RBPJ: variants seen among roughly 807,000 people sequenced by gnomAD.
RBPJ encodes the protein recombination signal binding protein for immunoglobulin kappa J region.
RBPJ carries 9 observed loss-of-function variants against 67.8 expected under a neutral mutation model. The ratio of observed to expected loss-of-function variants is 0.13; its 90% CI spans 0.08 to 0.23. RBPJ has a LOEUF of 0.23. RBPJ is among the 10% of genes least tolerant of loss of function. The probability of loss-of-function intolerance (pLI) is 1.00; values close to 1 mark genes in which losing one functional copy is unlikely to be tolerated. For missense variants in RBPJ, 305 were observed against 595.6 expected, an observed-to-expected ratio of 0.51 and a Z score of 5.08; for synonymous variants, 198 against 203.3, an observed-to-expected ratio of 0.97 and a Z score of 0.22.
intron 1 of RBPJ, among the ~76,000 whole-genome samples, chr4:26,298,104 C>T (rs1044815190): frequency 5.3e-5 from 8 of 152,118 alleles, no homozygotes; most frequent in African/African-American, 1.9e-4. Flanking sequence ...AACTGAATGC[C>T]GTAGGCCATT....
intron 1 of RBPJ, among the ~76,000 whole-genome samples, chr4:26,314,121 A>T (rs1722526119): frequency 6.6e-6 from 1 of 152,216 alleles, no homozygotes. Flanking sequence ...TTTTAGACAC[A>T]TATACGCAAA....
At chr4:26,208,334 G>A (rs751664613) in intron 1 of RBPJ, among the ~76,000 whole-genome samples, 2 of 152,164 alleles carry the variant, frequency 1.3e-5, no homozygotes, top group Non-Finnish European at 2.9e-5. Flanking sequence ...CGCAGATCAT[G>A]CAAACCTAAG....
At chr4:26,203,960 C>T in intron 1 of RBPJ, among the ~76,000 whole-genome samples, 1 of 152,138 alleles carries the variant, frequency 6.6e-6, no homozygotes, top group East Asian at 1.9e-4. Context: ...GCCAGATGAT[C>T]AAGTGACCAG....
chr4:26,373,550 C>A (rs1000396944), intron 1 of RBPJ, among the ~76,000 whole-genome samples: 7 of 152,198 alleles, frequency 4.6e-5, no homozygotes, highest in Non-Finnish European at 8.8e-5. Flanking sequence ...TTGATGGAGG[C>A]TGGACTGGTA....
intron 1 of RBPJ, among the ~76,000 whole-genome samples, chr4:26,291,785 A>G (rs1001097854): frequency 2.7e-5 from 4 of 150,640 alleles, no homozygotes; most frequent in African/African-American, 7.3e-5. Context: ...CATGTTGGCC[A>G]GGCTGGTCTT....
At chr4:26,172,370 G>A (rs532851672) in intron 1 of RBPJ, among the ~76,000 whole-genome samples, 1 of 152,152 alleles carries the variant, frequency 6.6e-6, no homozygotes, top group Non-Finnish European at 1.5e-5. Flanking sequence ...CAGAGGAAGG[G>A]GAAAAGCTGT....
upstream of RBPJ, among the ~76,000 whole-genome samples, chr4:26,317,441 G>T (rs938576810): frequency 2.0e-5 from 3 of 152,152 alleles, no homozygotes; most frequent in African/African-American, 7.2e-5. Context: ...AGGTAGAGGA[G>T]GAGGTGAAGG....
rs576680309 is a variant in RBPJ, at chr4:26,294,487, G to A, written c.-166-67959G>A. 4.9e-4 allele frequency among the ~76,000 whole-genome samples: 74 copies of A among 152,152 alleles called. 2 individuals are homozygous for A. In the South Asian group the frequency reaches 0.014, roughly 29 times the overall value. ...GTAGAGAGTGGATTGTAGGGGACGG[G>A]AGTGGAGTAGAGGTCGGGAGAAGCA... On this transcript the variant is annotated intron_variant, in intron 1 of 4. Transcript: ENST00000512351.
intron 1 of RBPJ, among the ~76,000 whole-genome samples, chr4:26,192,431 T>C (rs1056932948): frequency 6.6e-6 from 1 of 152,324 alleles, no homozygotes; most frequent in Admixed American, 6.5e-5. Flanking sequence ...TTCCCCCATA[T>C]ACACAACACA....
chr4:26,128,345 C>T, the RBPJ span, among the ~76,000 whole-genome samples: 1 of 152,166 alleles, frequency 6.6e-6, no homozygotes, highest in Non-Finnish European at 1.5e-5. Context: ...TGAATAACAC[C>T]TACAACAAAG....
chr4:26,277,692 A>G (rs1245797386), intron 1 of RBPJ, among the ~76,000 whole-genome samples: 1 of 152,248 alleles, frequency 6.6e-6, no homozygotes, highest in Admixed American at 6.5e-5. Context: ...TGATGGAGGA[A>G]CAGATGGCAA....
At chr4:26,185,102 A>G (rs574592360) in intron 1 of RBPJ, among the ~76,000 whole-genome samples, 1 of 151,434 alleles carries the variant, frequency 6.6e-6, no homozygotes, top group East Asian at 1.9e-4. Flanking sequence ...ACATTGCGCC[A>G]CTGCACTCCA....
rs1330963979 is a variant in RBPJ, at chr4:26,432,765, A to G, written c.*1758A>G. Reference sequence around the variant, plus strand: ...AAACAGGAGCCACAGTACCTTATGAATGCAAAACTGTAACTTCCTACAGTG... The same window carrying G: ...AAACAGGAGCCACAGTACCTTATGAGTGCAAAACTGTAACTTCCTACAGTG... On this transcript the variant is annotated 3_prime_UTR_variant, in exon 11 of 11. Coordinates refer to ENST00000355476, the MANE Select transcript of RBPJ (RefSeq NM_015874.6). 1 of 152,178 alleles carries G rather than the reference A, an allele frequency of 6.6e-6. No homozygotes were observed. Among genetic ancestry groups the G allele is most frequent in the Non-Finnish European group, 1.5e-5 (1 of 68,022 alleles). The allele number at this position is 152,178 out of a possible 1,614,324, so 9.4% of individuals were successfully genotyped here.
intron 1 of RBPJ, among the ~76,000 whole-genome samples, chr4:26,262,249 A>G (rs534865861): frequency 4.0e-5 from 6 of 151,822 alleles, no homozygotes; most frequent in South Asian, 4.2e-4. Flanking sequence ...ACAGCCTAAA[A>G]TTGTTTTAAG....
At chr4:26,428,613 G>A (rs931526183) in intron 7 of RBPJ, 107 bp from the exon 8 acceptor site, 1 of 760,744 alleles carries the variant, frequency 1.3e-6, no homozygotes, top group Non-Finnish European at 2.2e-6. Context: ...AAATAACTGT[G>A]ATGTATTATT....
At chr4:26,305,301 T>C (rs1402362481) in intron 1 of RBPJ, among the ~76,000 whole-genome samples, 3 of 152,220 alleles carry the variant, frequency 2.0e-5, no homozygotes, top group Non-Finnish European at 2.9e-5. Flanking sequence ...TTTTTCAAGA[T>C]TGTTTGGCTA....
chr4:26,240,614 C>T (rs1191567768), intron 1 of RBPJ, among the ~76,000 whole-genome samples: 1 of 152,148 alleles, frequency 6.6e-6, no homozygotes, highest in Admixed American at 6.5e-5. Flanking sequence ...GAAGGGGGTC[C>T]TTGATGTCTT....
chr4:26,129,605 T>C, the RBPJ span, among the ~76,000 whole-genome samples: 1 of 152,222 alleles, frequency 6.6e-6, no homozygotes, highest in East Asian at 1.9e-4. Flanking sequence ...TACTGTCCCT[T>C]ACAACTCTTA....
At chr4:26,307,995 G>A (rs1378065310) in intron 1 of RBPJ, among the ~76,000 whole-genome samples, 1 of 152,114 alleles carries the variant, frequency 6.6e-6, no homozygotes, top group Non-Finnish European at 1.5e-5. Context: ...AGTTTCTCTA[G>A]GCCTGGAGCG....
Sources: allele counts gnomAD v4.1 joint callset (sites outside exome capture counted in the v4.1 genomes callset), GRCh38; gene constraint gnomAD v4.1.1; transcripts MANE v1.5; gene names NCBI Gene and HGNC (gene_info 2026-07-23, HGNC 2026-07-21).